ANTXR1: variants seen among roughly 807,000 people sequenced by gnomAD.
ANTXR1 encodes the protein ANTXR cell adhesion molecule 1.
A neutral mutation model predicts 78.1 loss-of-function variants in ANTXR1; 19 were observed. The ratio of observed to expected loss-of-function variants is 0.24; its 90% CI spans 0.17 to 0.36. The LOEUF is 0.36. Among genes scored for constraint, ANTXR1 ranks in the 10% least tolerant of loss-of-function variants. The probability of loss-of-function intolerance (pLI) is 1.00; values close to 1 mark genes in which losing one functional copy is unlikely to be tolerated. For synonymous variants in ANTXR1, 273 were observed against 260.5 expected (o/e 1.05, Z -0.46); for missense variants, 518 against 718.6 (o/e 0.72, Z 3.19).
chr2:69,080,551 T>A (rs1398315984), intron 8 of ANTXR1, among the ~76,000 whole-genome samples: 1 of 152,344 alleles, frequency 6.6e-6, no homozygotes, highest in East Asian at 1.9e-4. Context: ...ATCAAATACT[T>A]ATTGAAAATC....
chr2:69,241,192 G>T (rs563925718), intron 17 of ANTXR1, among the ~76,000 whole-genome samples: 1 of 152,214 alleles, frequency 6.6e-6, no homozygotes, highest in Non-Finnish European at 1.5e-5. Flanking sequence ...GTGTTATGAA[G>T]CGAGAGTTCC....
intron 12 of ANTXR1, among the ~76,000 whole-genome samples, chr2:69,139,371 G>A (rs1023686140): frequency 1.3e-5 from 2 of 152,168 alleles, no homozygotes; most frequent in Non-Finnish European, 2.9e-5. Context: ...TCACCAGTAC[G>A]GCTCTCCAGG....
At chr2:69,055,388 C>G (rs75509610) in intron 3 of ANTXR1, among the ~76,000 whole-genome samples, 274 of 152,204 alleles carry the variant, frequency 1.8e-3, no homozygotes, top group African/African-American at 6.1e-3. Context: ...GATAAGGGGA[C>G]ACAGGCAATG....
intron 12 of ANTXR1, among the ~76,000 whole-genome samples, chr2:69,139,785 A>G (rs934018995): frequency 1.3e-5 from 2 of 152,376 alleles, no homozygotes; most frequent in East Asian, 3.9e-4. Context: ...ATGATCAATC[A>G]GACCAATTGA....
intron 14 of ANTXR1, among the ~76,000 whole-genome samples, chr2:69,178,162 T>G (rs1382266591): frequency 6.6e-6 from 1 of 152,188 alleles, no homozygotes; most frequent in Non-Finnish European, 1.5e-5. Context: ...TTAGTGGCCT[T>G]GCTGAGGGGC....
chr2:69,072,959 C>CA lies in ANTXR1; in HGVS notation c.413-63_413-62insA, dbSNP rs1670614248. The CA allele has an allele frequency of 3.5e-5, 42 of 1,198,778 alleles. No homozygotes were observed. In the East Asian group the frequency reaches 4.2e-4, roughly 12 times the overall value. 74.3% of individuals were successfully genotyped at this position (1,198,778 alleles called of 1,614,324 possible). Reference sequence around the variant, plus strand: ...ACTCGTAAGAGGTTGAATCCTGGGACTGAGAGGGTGTTTCCTTGGGTGGAG... The same window carrying CA: ...ACTCGTAAGAGGTTGAATCCTGGGACATGAGAGGGTGTTTCCTTGGGTGGAG... On this transcript the variant is annotated intron_variant, in intron 5 of 17. Transcript: ENST00000303714.
intron 10 of ANTXR1, among the ~76,000 whole-genome samples, chr2:69,115,807 T>C (rs911625329): frequency 5.3e-5 from 8 of 152,166 alleles, no homozygotes; most frequent in Admixed American, 4.6e-4. Flanking sequence ...CCTGTAACAA[T>C]ACCAGGTCAG....
chr2:69,188,345 T>C (rs142220546), intron 16 of ANTXR1, among the ~76,000 whole-genome samples: 1 of 152,336 alleles, frequency 6.6e-6, no homozygotes, highest in East Asian at 1.9e-4. Flanking sequence ...TCCTCCCACC[T>C]CAGCCTCTCA....
intron 17 of ANTXR1, among the ~76,000 whole-genome samples, chr2:69,195,921 T>G (rs1363945175): frequency 6.6e-6 from 1 of 152,176 alleles, no homozygotes; most frequent in African/African-American, 2.4e-5. Flanking sequence ...CACTGACCAG[T>G]TTGGCAGAAA....
intron 3 of ANTXR1, among the ~76,000 whole-genome samples, chr2:69,068,517 G>T (rs75502078): frequency 1.3e-5 from 2 of 152,288 alleles, no homozygotes; most frequent in East Asian, 3.9e-4. Context: ...GATGTGAAGT[G>T]CCTATTGGAG....
chr2:69,108,923 A>G (rs368048093), intron 10 of ANTXR1, among the ~76,000 whole-genome samples: 1 of 152,232 alleles, frequency 6.6e-6, no homozygotes, highest in Non-Finnish European at 1.5e-5. Flanking sequence ...GTAAAGACAT[A>G]TATGATGAAA....
chr2:69,211,325 TTACCAGC>T (rs1279258049), intron 17 of ANTXR1, among the ~76,000 whole-genome samples: 2 of 152,206 alleles, frequency 1.3e-5, no homozygotes, highest in African/African-American at 4.8e-5. Flanking sequence ...CCTTCTTCAC[TTACCAGC>T]ACAACTACTC....
intron 17 of ANTXR1, among the ~76,000 whole-genome samples, chr2:69,197,502 G>T (rs1388096181): frequency 6.6e-6 from 1 of 152,212 alleles, no homozygotes; most frequent in Admixed American, 6.5e-5. Context: ...AGGACATTTT[G>T]TGTCTCTGTA....
chr2:69,216,875 G>A (rs1675192013), intron 17 of ANTXR1, among the ~76,000 whole-genome samples: 1 of 152,216 alleles, frequency 6.6e-6, no homozygotes, highest in African/African-American at 2.4e-5. Context: ...CAGAACAAGT[G>A]ACCATTGTCA....
chr2:69,016,786 T>C (rs1386411866), intron 1 of ANTXR1, among the ~76,000 whole-genome samples: 1 of 152,250 alleles, frequency 6.6e-6, no homozygotes. Flanking sequence ...TACATTACTT[T>C]TATATTCAAC....
chr2:69,143,274 T>C (rs1673121395), intron 12 of ANTXR1, among the ~76,000 whole-genome samples: 1 of 152,092 alleles, frequency 6.6e-6, no homozygotes, highest in South Asian at 2.1e-4. Flanking sequence ...GGGGCAGATT[T>C]GAGAAGTATT....
chr2:69,181,729 G>A, intron 14 of ANTXR1, 57 bp from the exon 15 acceptor site: 2 of 1,514,322 alleles, frequency 1.3e-6, no homozygotes, highest in Non-Finnish European at 1.8e-6. Context: ...GCTGTAGTAG[G>A]CAGGTCCACA....
chr2:69,101,935 A>G (rs1331960125), intron 9 of ANTXR1, among the ~76,000 whole-genome samples: 1 of 152,242 alleles, frequency 6.6e-6, no homozygotes, highest in Non-Finnish European at 1.5e-5. Context: ...GGTTTTTTCC[A>G]TGGTAGGAGT....
At chr2:69,057,338 T>A (rs1391943912) in intron 3 of ANTXR1, among the ~76,000 whole-genome samples, 2 of 152,226 alleles carry the variant, frequency 1.3e-5, no homozygotes, top group Non-Finnish European at 2.9e-5. Flanking sequence ...AAATTGAAGG[T>A]TCATGGCAAC....
Sources: allele counts gnomAD v4.1 joint callset (sites outside exome capture counted in the v4.1 genomes callset), GRCh38; gene constraint gnomAD v4.1.1; transcripts MANE v1.5; gene names NCBI Gene and HGNC (gene_info 2026-07-23, HGNC 2026-07-21).